The following IGSF10 variants were observed in gnomAD, a reference collection of about 807,000 sequenced individuals.
The protein encoded by IGSF10 is calvaria mechanical force protein 608.
IGSF10 carries 126 observed loss-of-function variants against 128.2 expected under a neutral mutation model. The ratio of observed to expected loss-of-function variants is 0.98; its 90% CI spans 0.85 to 1.14. The LOEUF is 1.14. Among genes scored for constraint, IGSF10 ranks in the 50% most tolerant of loss-of-function variants. The pLI is 0.00. For synonymous variants in IGSF10, 1,185 were observed against 1,146.2 expected (o/e 1.03, Z -0.68); for missense variants, 3,295 against 3,149.8 (o/e 1.05, Z -1.10).
chr3:151,478,137 C>T, the IGSF10 span, among the ~76,000 whole-genome samples: 1 of 152,160 alleles, frequency 6.6e-6, no homozygotes, highest in African/African-American at 2.4e-5. Flanking sequence ...AACCTTAAAG[C>T]CCCTTAAAGT....
Position 151,437,592 on chromosome 3 carries a change from C to T in IGSF10, c.6969G>A (p.Val2323=), listed in dbSNP as rs1441733304. 6 of 1,614,182 alleles carry T rather than the reference C, an allele frequency of 3.7e-6. No homozygotes were observed. The highest frequency in any genetic ancestry group is 5.1e-6 in the Non-Finnish European group (6 of 1,180,040). ...CCAGTACTTCTAACTGTACTACCAA[C>T]ACGCTCTCTCCACCTTCATTTCGGG... The part of the protein sequence containing the change: ...CVARNEGGES[V]LVVQLEVLEM... The change falls in exon 8 of 8, where the codon GTG becomes GTA. Residue 2323 remains valine, a synonymous_variant. Transcript: ENST00000282466.
the IGSF10 span, among the ~76,000 whole-genome samples, chr3:151,537,259 A>G: frequency 6.6e-6 from 1 of 152,202 alleles, no homozygotes. Flanking sequence ...GCACTGAGTC[A>G]TAGCAACATA....
At chr3:151,516,122 C>G in the IGSF10 span, among the ~76,000 whole-genome samples, 1 of 151,926 alleles carries the variant, frequency 6.6e-6, no homozygotes, top group Non-Finnish European at 1.5e-5. Flanking sequence ...TTGCTGTCCA[C>G]GCTACAGCAG....
At chr3:151,566,645 A>G in the IGSF10 span, among the ~76,000 whole-genome samples, 1 of 152,222 alleles carries the variant, frequency 6.6e-6, no homozygotes, top group Non-Finnish European at 1.5e-5. Context: ...CTTTCAGTTC[A>G]TTGGCCAGAA....
the IGSF10 span, among the ~76,000 whole-genome samples, chr3:151,510,860 A>G: frequency 6.6e-6 from 1 of 152,348 alleles, no homozygotes; most frequent in South Asian, 2.1e-4. Flanking sequence ...AAGAAAGGGT[A>G]TCAGTGGTGG....
chr3:151,493,863 A>G, the IGSF10 span, among the ~76,000 whole-genome samples: 2 of 151,700 alleles, frequency 1.3e-5, no homozygotes, highest in Non-Finnish European at 2.9e-5. Flanking sequence ...AAACAAACAA[A>G]CAAACAAAAA....
At position 151,446,244 on chromosome 3, in the gene IGSF10, T is replaced by G. The variant is rs143102098; in HGVS notation, c.3737A>C (p.Lys1246Thr). The G allele has an allele frequency of 6.6e-5, 106 of 1,613,756 alleles. No individual in the cohort carries two copies. The African/African-American group carries it at 1.2e-3, about 18-fold the overall frequency. Residue 1246 changes from lysine to threonine, a missense_variant, in exon 6 of 8, where the codon AAA becomes ACA. By Grantham distance (78) the Lys-to-Thr change is moderately conservative. Coordinates refer to ENST00000282466, the MANE Select transcript of IGSF10 (RefSeq NM_178822.5). Reference sequence around the variant, plus strand: ...TGTGGTGAAATGGAAAGGGGAGACTTTGTCTCTGGGTAAAGCAGGAGATGT... The same window carrying G: ...TGTGGTGAAATGGAAAGGGGAGACTGTGTCTCTGGGTAAAGCAGGAGATGT... ...PKTSPALPRD[K>T]VSPFHFTTLS...
At chr3:151,547,429 TACACACACAC>T in the IGSF10 span, among the ~76,000 whole-genome samples, 3 of 146,958 alleles carry the variant, frequency 2.0e-5, no homozygotes, top group South Asian at 2.2e-4. Flanking sequence ...AATATATATA[TACACACACAC>T]ACACACACAC....
chr3:151,436,784 G>C lies in IGSF10; in HGVS notation c.7777C>G (p.Gln2593Glu). 6.2e-7 allele frequency: 1 copy of C among 1,614,158 alleles called. No individual in the cohort carries two copies. The highest frequency in any genetic ancestry group is 8.5e-7 in the Non-Finnish European group (1 of 1,179,992). ...CCAGAATCGGAGGTTTGGGGATTCT[G>C]AATGACTAGGGTACCTTGTAAGTGA... ...QLHLQGTLVI[Q>E]NPQTSDSGIY... The change falls in exon 8 of 8, where the codon CAG becomes GAG. Residue 2593 changes from glutamine to glutamate, a missense_variant. Transcript: ENST00000282466.
the IGSF10 span, among the ~76,000 whole-genome samples, chr3:151,512,121 A>G: frequency 1.3e-5 from 2 of 152,206 alleles, no homozygotes; most frequent in Non-Finnish European, 2.9e-5. Flanking sequence ...GACCTAATAG[A>G]CATCTACAGA....
chr3:151,446,228 A>T lies in IGSF10; in HGVS notation c.3753T>A (p.His1251Gln), dbSNP rs542330732. 12 of 1,613,750 alleles carry T rather than the reference A, an allele frequency of 7.4e-6. No individual in the cohort carries two copies. In the South Asian group the frequency reaches 1.3e-4, roughly 18 times the overall value. ...TCACACTTGTTGAAAGTGTGGTGAAATGGAAAGGGGAGACTTTGTCTCTGG... is the reference window on the plus strand; with the variant it reads ...TCACACTTGTTGAAAGTGTGGTGAATTGGAAAGGGGAGACTTTGTCTCTGG... ...ALPRDKVSPF[H>Q]FTTLSTSVMQ... The change falls in exon 6 of 8, where the codon CAT becomes CAA. Residue 1251 changes from histidine (H) to glutamine (Q), a missense_variant. Coordinates refer to ENST00000282466, the MANE Select transcript of IGSF10 (RefSeq NM_178822.5).
the IGSF10 span, among the ~76,000 whole-genome samples, chr3:151,481,831 T>G: frequency 6.6e-6 from 1 of 152,122 alleles, no homozygotes; most frequent in Non-Finnish European, 1.5e-5. Context: ...ATCTGTTAAC[T>G]AAAGAGGATT....
Position 151,445,864 on chromosome 3 carries a change from C to T in IGSF10, c.4117G>A (p.Ala1373Thr), listed in dbSNP as rs762260374. 2 of 1,614,162 alleles carry T rather than the reference C, an allele frequency of 1.2e-6. No individual in the cohort carries two copies. Among genetic ancestry groups the T allele is most frequent in the South Asian group, 1.1e-5 (1 of 91,078 alleles). Reference protein sequence around the residue: ...DQSSGFTTPTAMTPPVLTTAE... With the variant: ...DQSSGFTTPTTMTPPVLTTAE... The stretch of plus-strand genomic sequence containing the variant: ...GTGGTTAGAACAGGAGGTGTCATAG[C>T]AGTGGGTGTAGTGAAGCCAGAACTC... Residue 1373 changes from alanine to threonine, a missense_variant, in exon 6 of 8, where the codon GCT becomes ACT. Ala to Thr is a moderately conservative substitution (Grantham distance 58). Coordinates refer to ENST00000282466, the MANE Select transcript of IGSF10 (RefSeq NM_178822.5).
the IGSF10 span, among the ~76,000 whole-genome samples, chr3:151,571,440 C>T: frequency 1.3e-5 from 2 of 152,092 alleles, no homozygotes; most frequent in South Asian, 4.1e-4. Context: ...CTTCACATCC[C>T]TTGTAAGTTG....
the IGSF10 span, among the ~76,000 whole-genome samples, chr3:151,610,898 C>A: frequency 2.0e-5 from 3 of 152,250 alleles, no homozygotes; most frequent in African/African-American, 7.2e-5. Context: ...TAATAATAAT[C>A]ACCTCATAAA....
In IGSF10 at chr3:151,436,792, A is replaced by G. The variant is rs754117059; in HGVS notation, c.7769T>C (p.Leu2590Pro). 3 of 1,614,158 alleles carry G rather than the reference A, an allele frequency of 1.9e-6. No homozygotes were observed. The highest frequency in any genetic ancestry group is 1.7e-6 in the Non-Finnish European group (2 of 1,179,998). ...GSEQLHLQGTLVIQNPQTSDS... is the reference protein window; with the variant it reads ...GSEQLHLQGTPVIQNPQTSDS... ...GGAGGTTTGGGGATTCTGAATGACTAGGGTACCTTGTAAGTGAAGCTGCTC... is the reference window on the plus strand; with the variant it reads ...GGAGGTTTGGGGATTCTGAATGACTGGGGTACCTTGTAAGTGAAGCTGCTC... The change falls in exon 8 of 8, where the codon CTA becomes CCA. Residue 2590 changes from leucine to proline, a missense_variant. Physicochemically the swap from Leu to Pro is moderately conservative, Grantham distance 98. Coordinates refer to ENST00000282466, the MANE Select transcript of IGSF10 (RefSeq NM_178822.5).
chr3:151,443,153 G>C lies in IGSF10; in HGVS notation c.5794C>G (p.Leu1932Val). 1 of 1,614,238 alleles carries C rather than the reference G, an allele frequency of 6.2e-7. No individual in the cohort carries two copies. The highest frequency in any genetic ancestry group is 1.1e-5 in the South Asian group (1 of 91,082). The stretch of plus-strand genomic sequence containing the variant: ...CTGGTCACTCGCTCTTCCATTGTAA[G>C]CATTACTACTCTTCGCTCCGAACCA... ...STGSERRVVM[L>V]TMEERVTSPR... Residue 1932 changes from leucine to valine, a missense_variant, in exon 7 of 8, where the codon CTT (leucine) becomes GTT (valine). By Grantham distance (32) the Leu-to-Val change is conservative. Coordinates refer to ENST00000282466, the MANE Select transcript of IGSF10 (RefSeq NM_178822.5).
intron 7 of IGSF10, among the ~76,000 whole-genome samples, chr3:151,438,967 A>AAG (rs1377910790): frequency 6.6e-6 from 1 of 152,126 alleles, no homozygotes; most frequent in Non-Finnish European, 1.5e-5. Flanking sequence ...TAAAAAAATA[A>AAG]AATTACTACC....
chr3:151,457,271 T>C, intron 3 of IGSF10, 116 bp from the exon 4 acceptor site: 1 of 958,440 alleles, frequency 1.0e-6, no homozygotes, highest in East Asian at 2.7e-5. Context: ...TGTACTCTAT[T>C]GAGACAATCA....
Sources: gnomAD v4.1 joint callset for allele counts (sites outside exome capture counted in the v4.1 genomes callset) on GRCh38, gnomAD v4.1.1 for gene constraint, MANE v1.5 for transcripts, NCBI Gene and HGNC (gene_info 2026-07-23, HGNC 2026-07-21) for gene names.